EMCN: variants seen among roughly 807,000 people sequenced by gnomAD.
EMCN encodes the protein endomucin, also known as MUC-14.
Under a neutral mutation model 38.4 loss-of-function variants are expected in EMCN, and 37 were observed. That is an observed-to-expected ratio of 0.96 (90% CI 0.74 to 1.27). The LOEUF (loss-of-function observed/expected upper bound fraction) is 1.27. Among genes scored for constraint, EMCN ranks in the 50% most tolerant of loss-of-function variants. The pLI is 0.00. For missense variants in EMCN, 318 were observed against 302.8 expected (o/e 1.05, Z -0.37); for synonymous variants, 95 against 100.8 (o/e 0.94, Z 0.35).
chr4:100,514,216 C>A (rs1239038012), intron 1 of EMCN, among the ~76,000 whole-genome samples: 1 of 151,978 alleles, frequency 6.6e-6, no homozygotes, highest in Non-Finnish European at 1.5e-5. Flanking sequence ...TGTCCAAAAC[C>A]AAATACCATT....
intron 1 of EMCN, among the ~76,000 whole-genome samples, chr4:100,504,670 G>A (rs1354581780): frequency 1.3e-5 from 2 of 152,250 alleles, no homozygotes; most frequent in African/African-American, 4.8e-5. Flanking sequence ...GGGCTCCTTG[G>A]TCTAGCGGTG....
At chr4:100,516,349 A>G (rs1226148129) in intron 1 of EMCN, among the ~76,000 whole-genome samples, 1 of 152,036 alleles carries the variant, frequency 6.6e-6, no homozygotes, top group Non-Finnish European at 1.5e-5. Flanking sequence ...GAGTTTAACA[A>G]TGCCGGCAAA....
intron 7 of EMCN, 58 bp from the exon 8 acceptor site, chr4:100,421,435 T>A: frequency 7.3e-7 from 1 of 1,368,778 alleles, no homozygotes; most frequent in South Asian, 1.2e-5. Flanking sequence ...ACAGCGATAG[T>A]TTGGTAAGTG....
intron 11 of EMCN, among the ~76,000 whole-genome samples, chr4:100,398,669 C>T (rs1726175483): frequency 6.6e-6 from 1 of 152,080 alleles, no homozygotes; most frequent in Non-Finnish European, 1.5e-5. Flanking sequence ...TGGGTATTGT[C>T]TATAGTCCTA....
At chr4:100,466,067 T>C (rs951342281) in intron 3 of EMCN, among the ~76,000 whole-genome samples, 43 of 149,996 alleles carry the variant, frequency 2.9e-4, no homozygotes, top group African/African-American at 1.0e-3. Context: ...TGGAATACAC[T>C]TTTAATTATA....
chr4:100,441,938 G>C (rs1418751638), intron 5 of EMCN, among the ~76,000 whole-genome samples: 2 of 152,142 alleles, frequency 1.3e-5, no homozygotes. Context: ...TACAGTATTA[G>C]AGTGTTCCTG....
rs1726147138 is a variant in EMCN at position 100,397,444 on chromosome 4, T to C, written c.*969A>G. 6.6e-6 allele frequency: 1 copy of C among 152,138 alleles called. No individual in the cohort carries two copies. The highest frequency in any genetic ancestry group is 6.6e-5 in the Admixed American group (1 of 15,258). The allele number at this position is 152,138 out of a possible 1,614,324, so 9.4% of individuals were successfully genotyped here. On this transcript the variant is annotated 3_prime_UTR_variant, in exon 12 of 12. Coordinates refer to ENST00000296420, the MANE Select transcript of EMCN (RefSeq NM_016242.4). ...TAATTATGTATTTATAAAGTGTTGA[T>C]TTTCTACAAACTAGAGGTTAGCAAT...
In EMCN at chr4:100,425,149, G is replaced by GCACACACACACACACACACA. The variant is rs57293882; in HGVS notation, c.416-1765_416-1746dup. The stretch of plus-strand genomic sequence containing the variant: ...AGTTAAGAAATTATTTCTGAATCCA[G>GCACACACACACACACACACA]CACACACACACACACACACACACAC... On this transcript the variant is annotated intron_variant, in intron 5 of 11. Coordinates refer to ENST00000296420, the MANE Select transcript of EMCN (RefSeq NM_016242.4). Among the ~76,000 whole-genome samples the GCACACACACACACACACACA allele has an allele frequency of 1.1e-3, 157 of 141,234 alleles. 2 individuals carry two copies. The highest frequency in any genetic ancestry group is 0.011 in the South Asian group (44 of 4,124). 92.7% of individuals were successfully genotyped at this position (141,234 alleles called of 152,430 possible). A position where few individuals can be genotyped will look rare whatever the true frequency, so the allele number is the denominator to read the frequency against.
In EMCN at chr4:100,396,540, C is replaced by CTTTTTTTTTTTTTTT. The variant is rs71594584; in HGVS notation, c.*1858_*1872dup. 1.0e-5 allele frequency: 1 copy of CTTTTTTTTTTTTTTT among 99,614 alleles called. No individual in the cohort carries two copies. Among genetic ancestry groups the CTTTTTTTTTTTTTTT allele is most frequent in the Non-Finnish European group, 1.8e-5 (1 of 54,534 alleles). 6.2% of individuals were successfully genotyped at this position (99,614 alleles called of 1,614,324 possible). ...GGACTTTCTTTCTTTCTTTTTTTTC[C>CTTTTTTTTTTTTTTT]TTTTTTTTTTTTTTTTTTTTGAGAC... On this transcript the variant is annotated 3_prime_UTR_variant, in exon 12 of 12. Coordinates refer to ENST00000296420, the MANE Select transcript of EMCN (RefSeq NM_016242.4).
At chr4:100,441,302 A>G (rs998729894) in intron 5 of EMCN, among the ~76,000 whole-genome samples, 2 of 152,096 alleles carry the variant, frequency 1.3e-5, no homozygotes, top group South Asian at 4.1e-4. Flanking sequence ...GACTTGAATT[A>G]TATTTCATCA....
rs1257200992 is a variant in EMCN at position 100,395,424 on chromosome 4, CA to C, written c.*2988del. On this transcript the variant is annotated 3_prime_UTR_variant, in exon 12 of 12. Coordinates refer to ENST00000296420, the MANE Select transcript of EMCN (RefSeq NM_016242.4). ...TGCAGAGAAATTTTAAAGAAAAGAT[CA>C]GGGGATAATCCATCCATTAAGAATT... 6.6e-6 allele frequency: 1 copy of C among 152,018 alleles called. No individual in the cohort carries two copies. Among genetic ancestry groups the C allele is most frequent in the African/African-American group, 2.4e-5 (1 of 41,406 alleles). The allele number at this position is 152,018 out of a possible 1,614,324, so 9.4% of individuals were successfully genotyped here. A position where few individuals can be genotyped will look rare whatever the true frequency, so the allele number is the denominator to read the frequency against.
intron 1 of EMCN, among the ~76,000 whole-genome samples, chr4:100,517,541 C>G (rs193215888): frequency 3.1e-4 from 47 of 152,220 alleles, no homozygotes; most frequent in Admixed American, 5.9e-4. Flanking sequence ...AGAGAGAGTA[C>G]ATTTTTAACC....
At chr4:100,406,002 T>C (rs1726382414) in intron 11 of EMCN, among the ~76,000 whole-genome samples, 1 of 152,104 alleles carries the variant, frequency 6.6e-6, no homozygotes, top group African/African-American at 2.4e-5. Context: ...GTTTTCTGGT[T>C]TGGGTACATA....
intron 4 of EMCN, among the ~76,000 whole-genome samples, chr4:100,453,655 A>G (rs1374103791): frequency 1.3e-5 from 2 of 152,148 alleles, no homozygotes; most frequent in East Asian, 3.9e-4. Flanking sequence ...CATTTGACCC[A>G]GCCATCCCAT....
chr4:100,476,375 C>T (rs1319522330), intron 2 of EMCN, among the ~76,000 whole-genome samples: 1 of 152,036 alleles, frequency 6.6e-6, no homozygotes, highest in Non-Finnish European at 1.5e-5. Flanking sequence ...AATCAGACTT[C>T]TGGCCTCAAG....
intron 1 of EMCN, among the ~76,000 whole-genome samples, chr4:100,487,661 A>C (rs1410651422): frequency 6.6e-6 from 1 of 152,106 alleles, no homozygotes; most frequent in Admixed American, 6.5e-5. Flanking sequence ...GTCTCATGAA[A>C]TCTGATGGTT....
At chr4:100,456,608 T>C (rs936051561) in intron 4 of EMCN, among the ~76,000 whole-genome samples, 4 of 152,198 alleles carry the variant, frequency 2.6e-5, no homozygotes, top group Admixed American at 2.6e-4. Context: ...GTTTAAAATG[T>C]ATCAGCATAG....
chr4:100,421,436 T>C lies in EMCN; in HGVS notation c.569-59A>G. 5.9e-6 allele frequency: 8 copies of C among 1,357,844 alleles called. No individual in the cohort carries two copies. In the South Asian group the frequency reaches 8.3e-5, roughly 14 times the overall value. 84.1% of individuals were successfully genotyped at this position (1,357,844 alleles called of 1,614,324 possible). ...GGCTACTGAATTTCACAGCGATAGT[T>C]TGGTAAGTGAGCCAAAGCATGAGTA... On this transcript the variant is annotated intron_variant, in intron 7 of 11. Transcript: ENST00000296420.
At chr4:100,417,725 G>A (rs900621221) in intron 8 of EMCN, among the ~76,000 whole-genome samples, 6 of 152,164 alleles carry the variant, frequency 3.9e-5, no homozygotes, top group African/African-American at 9.7e-5. Flanking sequence ...CTTCACAGCT[G>A]TCTGATAGAA....
Sources: gnomAD v4.1 joint callset for allele counts (sites outside exome capture counted in the v4.1 genomes callset) on GRCh38, gnomAD v4.1.1 for gene constraint, MANE v1.5 for transcripts, NCBI Gene and HGNC (gene_info 2026-07-23, HGNC 2026-07-21) for gene names.